The following SAMD12 variants were observed in gnomAD, a reference collection of about 807,000 sequenced individuals.
SAMD12 encodes the protein sterile alpha motif domain-containing protein 12.
Under a neutral mutation model 15.0 loss-of-function variants are expected in SAMD12, and 9 were observed. The ratio of observed to expected loss-of-function variants is 0.60; its 90% CI spans 0.36 to 1.05. SAMD12 has a LOEUF of 1.05. Among genes scored for constraint, SAMD12 ranks in the 50% least tolerant of loss-of-function variants. The probability of loss-of-function intolerance (pLI) is 0.01; values close to 1 mark genes in which losing one functional copy is unlikely to be tolerated. For synonymous variants in SAMD12, 86 were observed against 90.1 expected (o/e 0.96, Z 0.25); for missense variants, 230 against 234.2 (o/e 0.98, Z 0.12).
chr8:118,177,904 A>G, the SAMD12 span, among the ~76,000 whole-genome samples: 8 of 152,154 alleles, frequency 5.3e-5, no homozygotes, highest in African/African-American at 1.9e-4. Flanking sequence ...GCTGACACAC[A>G]TGCAGGTTTA....
At chr8:118,608,928 T>C (rs1828043301) in intron 1 of SAMD12, among the ~76,000 whole-genome samples, 1 of 152,152 alleles carries the variant, frequency 6.6e-6, no homozygotes, top group African/African-American at 2.4e-5. Flanking sequence ...TGACACGACA[T>C]ATTATGAACC....
intron 4 of SAMD12, among the ~76,000 whole-genome samples, chr8:118,210,365 T>A (rs939476711): frequency 6.6e-6 from 1 of 152,186 alleles, no homozygotes; most frequent in African/African-American, 2.4e-5. Flanking sequence ...CTCTGGCTCT[T>A]AGTTATATGC....
chr8:118,563,390 G>C (rs1826761548), intron 2 of SAMD12, among the ~76,000 whole-genome samples: 1 of 152,170 alleles, frequency 6.6e-6, no homozygotes, highest in South Asian at 2.1e-4. Flanking sequence ...TTGTCAGCAG[G>C]AGCCATCCAT....
chr8:118,204,558 T>C (rs1261524009), intron 4 of SAMD12, among the ~76,000 whole-genome samples: 1 of 151,946 alleles, frequency 6.6e-6, no homozygotes, highest in Non-Finnish European at 1.5e-5. Flanking sequence ...ATCGACACCA[T>C]CCTGGCTAAC....
At chr8:118,184,122 C>T in the SAMD12 span, among the ~76,000 whole-genome samples, 5 of 151,930 alleles carry the variant, frequency 3.3e-5, no homozygotes, top group East Asian at 9.6e-4. Flanking sequence ...ACATACTCAC[C>T]AGGACTGATT....
intron 1 of SAMD12, among the ~76,000 whole-genome samples, chr8:118,593,592 T>C (rs1369882724): frequency 6.6e-6 from 1 of 152,190 alleles, no homozygotes; most frequent in Non-Finnish European, 1.5e-5. Context: ...TAACGGACAG[T>C]GCAGATTGTT....
chr8:118,275,585 G>A (rs1346121790), intron 4 of SAMD12, among the ~76,000 whole-genome samples: 2 of 152,072 alleles, frequency 1.3e-5, no homozygotes, highest in Non-Finnish European at 2.9e-5. Flanking sequence ...GATTCAGGAG[G>A]CACATGTGCA....
chr8:118,458,098 G>A (rs10095856), intron 2 of SAMD12, among the ~76,000 whole-genome samples: 28,725 of 152,150 alleles, frequency 0.19, 3,826 homozygotes, highest in African/African-American at 0.38. Flanking sequence ...CAGAGTGCAT[G>A]TGAATGAACA....
intron 2 of SAMD12, among the ~76,000 whole-genome samples, chr8:118,547,631 T>C (rs1407655249): frequency 6.6e-6 from 1 of 152,184 alleles, no homozygotes; most frequent in Non-Finnish European, 1.5e-5. Context: ...AGAACTCCAG[T>C]CTTTATGGGT....
chr8:118,594,356 A>G (rs1257666629), intron 1 of SAMD12, among the ~76,000 whole-genome samples: 1 of 152,210 alleles, frequency 6.6e-6, no homozygotes, highest in East Asian at 1.9e-4. Context: ...ATGAAATTAG[A>G]TAAGATACAT....
chr8:118,551,380 A>T (rs1366377006), intron 2 of SAMD12, among the ~76,000 whole-genome samples: 1 of 152,054 alleles, frequency 6.6e-6, no homozygotes, highest in Non-Finnish European at 1.5e-5. Context: ...TCTCACTCAA[A>T]ACCGCTCAAC....
chr8:118,430,371 C>CTT (rs35835490), intron 3 of SAMD12, among the ~76,000 whole-genome samples: 77,663 of 145,966 alleles, frequency 0.53, 22,688 homozygotes, highest in Non-Finnish European at 0.65. Context: ...CTGTAATTGC[C>CTT]TTTTTTTTTT....
At chr8:118,210,912 C>G (rs1417532854) in intron 4 of SAMD12, among the ~76,000 whole-genome samples, 3 of 152,210 alleles carry the variant, frequency 2.0e-5, no homozygotes, top group African/African-American at 7.2e-5. Flanking sequence ...AATGGAATAA[C>G]CATCATCTCT....
At chr8:118,387,782 G>C (rs998845700) in intron 3 of SAMD12, among the ~76,000 whole-genome samples, 3 of 152,150 alleles carry the variant, frequency 2.0e-5, no homozygotes, top group Non-Finnish European at 4.4e-5. Context: ...CAAATGAGAG[G>C]CTGAGGGTCA....
intron 2 of SAMD12, among the ~76,000 whole-genome samples, chr8:118,533,358 A>C (rs1242709498): frequency 4.6e-5 from 7 of 152,298 alleles, no homozygotes; most frequent in Admixed American, 1.3e-4. Context: ...CTTTACTTCC[A>C]ACTATGTGGT....
At chr8:118,457,147 A>C (rs374505850) in intron 2 of SAMD12, among the ~76,000 whole-genome samples, 9 of 151,872 alleles carry the variant, frequency 5.9e-5, no homozygotes, top group Non-Finnish European at 1.3e-4. Context: ...ATTCTTTGCC[A>C]TTACTATTTT....
chr8:118,487,128 G>A, intron 2 of SAMD12, among the ~76,000 whole-genome samples: 1 of 152,166 alleles, frequency 6.6e-6, no homozygotes, highest in Non-Finnish European at 1.5e-5. Context: ...CCCAGCACAA[G>A]TGTTCATAAA....
chr8:118,453,317 G>A (rs1342427198), intron 2 of SAMD12, among the ~76,000 whole-genome samples: 2 of 151,918 alleles, frequency 1.3e-5, no homozygotes, highest in African/African-American at 4.8e-5. Context: ...CCAATGCTGG[G>A]CTAATTAGTC....
intron 1 of SAMD12, among the ~76,000 whole-genome samples, chr8:118,599,819 T>C (rs375609660): frequency 1.3e-5 from 2 of 152,152 alleles, no homozygotes; most frequent in East Asian, 3.9e-4. Flanking sequence ...TGGAAAAACC[T>C]GAGGCAGGAA....
Sources: allele counts gnomAD v4.1 joint callset (sites outside exome capture counted in the v4.1 genomes callset), GRCh38; gene constraint gnomAD v4.1.1; transcripts MANE v1.5; gene names NCBI Gene and HGNC (gene_info 2026-07-23, HGNC 2026-07-21).